ZFP28: variants seen among roughly 807,000 people sequenced by gnomAD.
The protein encoded by ZFP28 is ZFP28 zinc finger protein.
Under a neutral mutation model 39.5 loss-of-function variants are expected in ZFP28, and 31 were observed. The observed-to-expected ratio is 0.79, with a 90% CI of 0.59 to 1.06. The LOEUF is 1.06. Among genes scored for constraint, ZFP28 ranks in the 50% least tolerant of loss-of-function variants. The probability of loss-of-function intolerance (pLI) is 0.00; values close to 1 mark genes in which losing one functional copy is unlikely to be tolerated. For missense variants in ZFP28, 925 were observed against 1,048.4 expected, an observed-to-expected ratio of 0.88 and a Z score of 1.63; for synonymous variants, 400 against 378.6, an observed-to-expected ratio of 1.06 and a Z score of -0.66.
Position 56,555,004 on chromosome 19 carries a change from C to A in ZFP28, c.2219C>A (p.Thr740Lys), listed in dbSNP as rs780266007. 4 of 1,613,964 alleles carry A rather than the reference C, an allele frequency of 2.5e-6. No homozygotes were observed. Among genetic ancestry groups the A allele is most frequent in the Non-Finnish European group, 3.4e-6 (4 of 1,180,028 alleles). Residue 740 changes from threonine (T) to lysine (K), a missense_variant, in exon 8 of 8, where the codon ACA (threonine) becomes AAA (lysine). Thr to Lys is a moderately conservative substitution (Grantham distance 78, BLOSUM62 -1). Coordinates refer to ENST00000301318, the MANE Select transcript of ZFP28 (RefSeq NM_020828.2). ...ECIECGKAFK[T>K]KSSLICHRRS... ...ATTGAGTGTGGAAAGGCATTCAAGA[C>A]AAAATCCTCCCTTATTTGTCATCGC...
rs145755424 is a variant in ZFP28, at chr19:56,550,522, C to T, written c.815C>T (p.Ala272Val). ...TTCACTTTTTCAGGACATTGTGTGG[C>T]TAAGCCAGATTTAGTCTCTTTACTA... is the stretch of plus-strand genomic sequence containing the variant. ...SDLGSAGHCV[A>V]KPDLVSLLEQ... Residue 272 changes from alanine to valine, a missense_variant, in exon 7 of 8, where the codon GCT becomes GTT. Ala to Val is a moderately conservative substitution (Grantham distance 64). This residue lies in a region of ZFP28 where 556 missense variants were observed against 542.9 expected (regional missense o/e 1.02). Transcript: ENST00000301318. The T allele has an allele frequency of 3.7e-6, 6 of 1,613,836 alleles. No homozygotes were observed. In the African/African-American group the frequency reaches 6.7e-5, roughly 18 times the overall value.
chr19:56,538,179 G>C (rs547009272), upstream of ZFP28: 1 of 152,518 alleles, frequency 6.6e-6, no homozygotes, highest in African/African-American at 2.4e-5. Flanking sequence ...CAGAGATAAT[G>C]GGAGAAGGTG....
At chr19:56,552,541 C>G (rs1041436931) in intron 7 of ZFP28, 1 of 152,046 alleles carries the variant, frequency 6.6e-6, no homozygotes, top group African/African-American at 2.4e-5. Flanking sequence ...GTATATTTTC[C>G]TGTATTTATG....
chr19:56,550,895 C>T, intron 7 of ZFP28: 6 of 1,433,036 alleles, frequency 4.2e-6, no homozygotes, highest in Non-Finnish European at 5.5e-6. Flanking sequence ...CACTTTTGAG[C>T]TGACTTCCAA....
chr19:56,545,828 C>T (rs73070080), intron 2 of ZFP28: 22,199 of 152,120 alleles, frequency 0.15, 1,793 homozygotes, highest in Middle Eastern at 0.21. Context: ...AACTTGAAGG[C>T]TACATTATCA....
At position 56,539,732 on chromosome 19, in the gene ZFP28, A is replaced by G; in HGVS notation, c.300+16A>G. 1 of 1,609,402 alleles carries G rather than the reference A, an allele frequency of 6.2e-7. No homozygotes were observed. Among genetic ancestry groups the G allele is most frequent in the Non-Finnish European group, 8.5e-7 (1 of 1,176,044 alleles). ...CATGTCCCAGGTGAGTTGGCATTTC[A>G]TCTCTTGTCTCTGAAATGCAGTCTT... On this transcript the variant is annotated intron_variant, in intron 2 of 7. Transcript: ENST00000301318.
rs1304991571 is a variant in ZFP28, at chr19:56,556,718, CATTT to C, written c.*1329_*1332del. On this transcript the variant is annotated 3_prime_UTR_variant, in exon 8 of 8. Coordinates refer to ENST00000301318, the MANE Select transcript of ZFP28 (RefSeq NM_020828.2). Reference sequence around the variant, plus strand: ...CAAGAAAACAAATGATAAAGGAACTCATTTATCAATAGAGGTGAAAGGAAATTAT... The same window carrying C: ...CAAGAAAACAAATGATAAAGGAACTCATCAATAGAGGTGAAAGGAAATTAT... 2 of 151,970 alleles carry C rather than the reference CATTT, an allele frequency of 1.3e-5. No homozygotes were observed. The highest frequency in any genetic ancestry group is 2.9e-5 in the Non-Finnish European group (2 of 67,982). The allele number at this position is 151,970 out of a possible 1,614,324, so 9.4% of individuals were successfully genotyped here.
chr19:56,539,719 G>T lies in ZFP28; in HGVS notation c.300+3G>T, dbSNP rs1266031849. ...TTGAACCTAAAGCCATGTCCCAGGT[G>T]AGTTGGCATTTCATCTCTTGTCTCT... On this transcript the variant is annotated splice_donor_region_variant and intron_variant, in intron 2 of 7. Coordinates refer to ENST00000301318, the MANE Select transcript of ZFP28 (RefSeq NM_020828.2). The T allele has an allele frequency of 1.2e-5, 19 of 1,613,656 alleles. No homozygotes were observed. The highest frequency in any genetic ancestry group is 1.6e-5 in the Non-Finnish European group (19 of 1,179,762).
upstream of ZFP28, chr19:56,538,185 A>C (rs1399205435): frequency 8.5e-5 from 13 of 152,370 alleles, no homozygotes; most frequent in East Asian, 2.5e-3. Context: ...TAATGGGAGA[A>C]GGTGAGGGGG....
At chr19:56,550,895 C>A in intron 7 of ZFP28, 1 of 1,433,036 alleles carries the variant, frequency 7.0e-7, no homozygotes, top group South Asian at 1.5e-5. Flanking sequence ...CACTTTTGAG[C>A]TGACTTCCAA....
At chr19:56,550,761 T>C (rs1468683846) in intron 7 of ZFP28, 156 bp downstream of exon 7, 3 of 1,537,918 alleles carry the variant, frequency 2.0e-6, no homozygotes, top group Non-Finnish European at 2.6e-6. Context: ...CAAATAATTC[T>C]TTCCTCCTCC....
chr19:56,539,768 A>G (rs767292048), intron 2 of ZFP28, 52 bp downstream of exon 2: 1 of 1,523,248 alleles, frequency 6.6e-7, no homozygotes, highest in Non-Finnish European at 9.1e-7. Context: ...GCTTTTCGGG[A>G]CTTAATGTTG....
chr19:56,544,886 G>A (rs1438822615), intron 2 of ZFP28: 3 of 152,204 alleles, frequency 2.0e-5, no homozygotes, highest in Non-Finnish European at 4.4e-5. Context: ...GAGGATATAT[G>A]TATATTGCTA....
intron 2 of ZFP28, among the ~76,000 whole-genome samples, chr19:56,542,374 G>A (rs1486854949): frequency 1.3e-5 from 2 of 152,230 alleles, no homozygotes; most frequent in South Asian, 2.1e-4. Context: ...GGCTGGTCTC[G>A]AACTCCTGGC....
intron 5 of ZFP28, 126 bp from the exon 6 acceptor site, chr19:56,549,941 C>T (rs1455103725): frequency 7.7e-6 from 5 of 650,772 alleles, no homozygotes; most frequent in African/African-American, 5.5e-5. Flanking sequence ...CCTGGTGTAC[C>T]AGAACTTAAG....
chr19:56,539,865 G>C, intron 2 of ZFP28, 149 bp downstream of exon 2: 2 of 672,254 alleles, frequency 3.0e-6, no homozygotes, highest in East Asian at 2.8e-5. Context: ...GATGGGCTAC[G>C]GGGAAAAGTT....
rs751155816 is a variant in ZFP28 at position 56,547,827 on chromosome 19, G to A, written c.448G>A (p.Asp150Asn). 60 of 1,613,964 alleles carry A rather than the reference G, an allele frequency of 3.7e-5. No individual in the cohort carries two copies. Among genetic ancestry groups the A allele is most frequent in the Admixed American group, 6.7e-5 (4 of 59,998 alleles). ...ASLGLCVSKP[D>N]VISSLEQGKE... ...TCTAGGACTTTGTGTTTCTAAGCCC[G>A]ATGTGATCTCCTCGTTGGAACAAGG... The change falls in exon 4 of 8, where the codon GAT becomes AAT. Residue 150 changes from aspartate (D) to asparagine (N), a missense_variant. Transcript: ENST00000301318. The surrounding 1 kb of genome is among the most constrained non-coding windows in gnomAD (Gnocchi z 4.6).
chr19:56,544,899 G>A (rs149052153), intron 2 of ZFP28, among the ~76,000 whole-genome samples: 54 of 152,276 alleles, frequency 3.5e-4, no homozygotes, highest in Non-Finnish European at 6.8e-4. Flanking sequence ...TATTGCTAAC[G>A]TTGGGTCCCT....
At position 56,547,477 on chromosome 19, in the gene ZFP28, G is replaced by A. The variant is rs2044252075; in HGVS notation, c.301-31G>A. The stretch of plus-strand genomic sequence containing the variant: ...CAGTCATGTGGGGGCATGAGCACTG[G>A]TTGAGCAAGAACATGGTTATATCAT... On this transcript the variant is annotated intron_variant, in intron 2 of 7. Transcript: ENST00000301318. This position sits in a 1 kb window ranked among gnomAD's most constrained non-coding sequence, Gnocchi z 4.6. 2 of 1,614,140 alleles carry A rather than the reference G, an allele frequency of 1.2e-6. No individual in the cohort carries two copies. The highest frequency in any genetic ancestry group is 2.2e-5 in the South Asian group (2 of 91,084).
Sources: allele counts gnomAD v4.1 joint callset (sites outside exome capture counted in the v4.1 genomes callset), GRCh38; gene constraint gnomAD v4.1.1; regional missense constraint gnomAD v4.1.1; non-coding constraint Gnocchi (gnomAD v3.1); transcripts MANE v1.5; gene names NCBI Gene and HGNC (gene_info 2026-07-23, HGNC 2026-07-21).